FOCAD: variants seen among roughly 807,000 people sequenced by gnomAD.
FOCAD encodes the protein KIAA1797.
Under a neutral mutation model 225.6 loss-of-function variants are expected in FOCAD, and 198 were observed. That is an observed-to-expected ratio of 0.88 (90% CI 0.78 to 0.99). FOCAD has a LOEUF of 0.99. Ranked by LOEUF, FOCAD falls within the 50% of genes least tolerant of loss-of-function variation. The pLI is 0.00. For missense variants in FOCAD, 2,713 were observed against 2,123.6 expected, an observed-to-expected ratio of 1.28 and a Z score of -5.46; for synonymous variants, 897 against 755.0, an observed-to-expected ratio of 1.19 and a Z score of -3.08.
intron 1 of FOCAD, among the ~76,000 whole-genome samples, chr9:20,685,997 C>T (rs76263094): frequency 0.14 from 20,711 of 152,064 alleles, 1,701 homozygotes; most frequent in Non-Finnish European, 0.19. Flanking sequence ...CCTTTTTCCC[C>T]GTTTAAAATG....
intron 11 of FOCAD, among the ~76,000 whole-genome samples, chr9:20,802,967 T>G (rs755075518): frequency 1.3e-5 from 2 of 152,176 alleles, no homozygotes; most frequent in Non-Finnish European, 2.9e-5. Context: ...GAATTTTATT[T>G]CTTTAACATT....
chr9:20,975,693 A>G (rs994099694), intron 35 of FOCAD, among the ~76,000 whole-genome samples: 5 of 152,344 alleles, frequency 3.3e-5, no homozygotes, highest in Non-Finnish European at 5.9e-5. Context: ...ATTTTTATCC[A>G]GTCAGAAAGG....
chr9:20,741,435 T>G (rs1440358134), intron 5 of FOCAD, among the ~76,000 whole-genome samples: 1 of 152,190 alleles, frequency 6.6e-6, no homozygotes, highest in Non-Finnish European at 1.5e-5. Flanking sequence ...CTATTTGTGA[T>G]CTCTTATTTT....
intron 5 of FOCAD, 44 bp from the exon 6 acceptor site, chr9:20,758,046 A>G: frequency 1.5e-6 from 2 of 1,309,034 alleles, no homozygotes; most frequent in Non-Finnish European, 2.2e-6. Flanking sequence ...GAAAATGTGT[A>G]GTCCTGAATA....
intron 2 of FOCAD, among the ~76,000 whole-genome samples, chr9:20,668,110 A>C (rs1227624866): frequency 1.3e-5 from 2 of 152,228 alleles, no homozygotes; most frequent in African/African-American, 4.8e-5. Context: ...TACGGCAGAG[A>C]AGAAATTTGG....
chr9:20,766,983 C>T (rs1484511313), intron 7 of FOCAD, among the ~76,000 whole-genome samples: 1 of 152,026 alleles, frequency 6.6e-6, no homozygotes, highest in African/African-American at 2.4e-5. Context: ...CTCTCCCCCA[C>T]CCCACCACAG....
intron 2 of FOCAD, among the ~76,000 whole-genome samples, chr9:20,717,515 A>G (rs1001912705): frequency 6.6e-6 from 1 of 152,232 alleles, no homozygotes; most frequent in Admixed American, 6.5e-5. Flanking sequence ...TGATACTGAC[A>G]GCAATTTGAA....
chr9:20,691,273 T>C (rs1406636188), intron 1 of FOCAD, among the ~76,000 whole-genome samples: 1 of 152,038 alleles, frequency 6.6e-6, no homozygotes. Context: ...CTTTCTTCCC[T>C]TATTAGCAAA....
chr9:20,715,321 G>A lies in FOCAD; in HGVS notation c.-32-1G>A. 1 of 1,444,462 alleles carries A rather than the reference G, an allele frequency of 6.9e-7. No homozygotes were observed. Among genetic ancestry groups the A allele is most frequent in the Non-Finnish European group, 9.3e-7 (1 of 1,079,304 alleles). The allele number at this position is 1,444,462 out of a possible 1,614,324, so 89.5% of individuals were successfully genotyped here. A position where few individuals can be genotyped will look rare whatever the true frequency, so the allele number is the denominator to read the frequency against. On this transcript the variant is annotated splice_acceptor_variant, in intron 1 of 43. Transcript: ENST00000338382. LOFTEE classifies it low-confidence loss of function (5UTR_SPLICE). ...CAAATATTCTTTTGTTTTGGTTACA[G>A]AAGCTGCACACATACATGTAAGAGA... is the stretch of plus-strand genomic sequence containing the variant.
intron 37 of FOCAD, among the ~76,000 whole-genome samples, chr9:20,980,717 GA>G (rs796508053): frequency 5.3e-5 from 8 of 152,214 alleles, no homozygotes; most frequent in African/African-American, 1.9e-4. Flanking sequence ...TTACTTTTTA[GA>G]TCACTTATTT....
intron 19 of FOCAD, among the ~76,000 whole-genome samples, chr9:20,880,995 T>G (rs926644456): frequency 6.6e-6 from 1 of 152,216 alleles, no homozygotes; most frequent in Non-Finnish European, 1.5e-5. Flanking sequence ...TGACATCATA[T>G]TTCTGTTATT....
At chr9:20,753,006 T>G (rs1473497006) in intron 5 of FOCAD, among the ~76,000 whole-genome samples, 4 of 151,636 alleles carry the variant, frequency 2.6e-5, no homozygotes, top group African/African-American at 9.7e-5. Flanking sequence ...TGTACATTGA[T>G]TTTGTATCCT....
chr9:20,892,370 C>T (rs1831687802), intron 21 of FOCAD, among the ~76,000 whole-genome samples: 1 of 152,108 alleles, frequency 6.6e-6, no homozygotes, highest in Non-Finnish European at 1.5e-5. Context: ...AATTGAAAAC[C>T]TTCTGGAAAG....
At chr9:20,823,202 A>G in intron 15 of FOCAD, 87 bp downstream of exon 15, 2 of 1,385,502 alleles carry the variant, frequency 1.4e-6, no homozygotes, top group Non-Finnish European at 1.9e-6. Context: ...TTAGATTCAA[A>G]TAACTGAAGT....
At chr9:20,839,341 C>G (rs1826289254) in intron 15 of FOCAD, among the ~76,000 whole-genome samples, 2 of 151,460 alleles carry the variant, frequency 1.3e-5, no homozygotes, top group South Asian at 4.2e-4. Flanking sequence ...TCACTGCAAC[C>G]TCTGCCTCCC....
At chr9:20,657,977 T>C (rs1213452057), upstream of FOCAD, among the ~76,000 whole-genome samples, 7 of 141,952 alleles carry the variant, frequency 4.9e-5, no homozygotes, top group Admixed American at 2.1e-4. Flanking sequence ...CCTTTCTGTT[T>C]GTTAGTTTTC....
chr9:20,664,263 G>A (rs1821829919), intron 2 of FOCAD, among the ~76,000 whole-genome samples: 1 of 148,798 alleles, frequency 6.7e-6, no homozygotes, highest in African/African-American at 2.5e-5. Flanking sequence ...GTGAGACAAG[G>A]TTGACTAAGT....
chr9:20,948,108 AC>A (rs767289996), intron 30 of FOCAD, among the ~76,000 whole-genome samples, 162 bp from the exon 31 acceptor site: 38 of 132,868 alleles, frequency 2.9e-4, no homozygotes, highest in Admixed American at 8.1e-4. Context: ...TTAAAAAAAA[AC>A]AAAAAACAAA....
intron 15 of FOCAD, among the ~76,000 whole-genome samples, chr9:20,834,653 G>A (rs1294277899): frequency 6.6e-6 from 1 of 151,974 alleles, no homozygotes; most frequent in Non-Finnish European, 1.5e-5. Flanking sequence ...TGAACTTCAG[G>A]AACAGGCAAA....
Sources: allele counts gnomAD v4.1 joint callset (sites outside exome capture counted in the v4.1 genomes callset), GRCh38; gene constraint gnomAD v4.1.1; transcripts MANE v1.5; gene names NCBI Gene and HGNC (gene_info 2026-07-23, HGNC 2026-07-21).